PDE4D: variants seen among roughly 807,000 people sequenced by gnomAD.
PDE4D encodes phosphodiesterase 4D.
PDE4D carries 24 observed loss-of-function variants against 87.4 expected under a neutral mutation model. That is an observed-to-expected ratio of 0.27 (90% CI 0.20 to 0.39). The LOEUF is 0.39. PDE4D is among the 10% of genes least tolerant of loss of function. PDE4D has a pLI of 1.00. For missense variants in PDE4D, 714 were observed against 1,041.0 expected (o/e 0.69, Z 4.32); for synonymous variants, 384 against 383.2 (o/e 1.00, Z -0.02).
intron 6 of PDE4D, among the ~76,000 whole-genome samples, chr5:59,037,347 T>C (rs1408953049): frequency 6.6e-6 from 1 of 152,202 alleles, no homozygotes; most frequent in Non-Finnish European, 1.5e-5. Flanking sequence ...AACCACACAA[T>C]AGAATTAAGA....
At chr5:59,683,434 A>G (rs1225368973) in intron 1 of PDE4D, among the ~76,000 whole-genome samples, 1 of 152,232 alleles carries the variant, frequency 6.6e-6, no homozygotes, top group Non-Finnish European at 1.5e-5. Context: ...ATAGATATTT[A>G]AAGTTAGAAT....
chr5:59,734,693 T>TAA (rs35720201), intron 1 of PDE4D, among the ~76,000 whole-genome samples: 7 of 151,808 alleles, frequency 4.6e-5, no homozygotes, highest in Non-Finnish European at 7.4e-5. Flanking sequence ...GTCATGGACT[T>TAA]AAAAAAAATT....
intron 1 of PDE4D, among the ~76,000 whole-genome samples, chr5:60,195,257 C>A (rs369306592): frequency 6.6e-6 from 1 of 151,602 alleles, no homozygotes; most frequent in East Asian, 1.9e-4. Context: ...TCCTGAATGC[C>A]TCCCACAGTA....
At chr5:59,468,120 A>G (rs994143728) in intron 1 of PDE4D, among the ~76,000 whole-genome samples, 8 of 152,224 alleles carry the variant, frequency 5.3e-5, no homozygotes, top group Admixed American at 6.5e-5. Context: ...GCTCAGAACC[A>G]AAGGCTGTTC....
intron 1 of PDE4D, among the ~76,000 whole-genome samples, chr5:59,321,456 A>C (rs1217567780): frequency 6.6e-6 from 1 of 152,166 alleles, no homozygotes. Context: ...CTAAATATAA[A>C]TATACTTCTT....
intron 1 of PDE4D, among the ~76,000 whole-genome samples, chr5:59,245,372 A>T (rs1230786953): frequency 6.6e-6 from 1 of 152,134 alleles, no homozygotes; most frequent in African/African-American, 2.4e-5. Flanking sequence ...TAAATAAGCA[A>T]TATCATATAA....
intron 1 of PDE4D, among the ~76,000 whole-genome samples, chr5:59,371,629 G>A (rs544200999): frequency 1.3e-5 from 2 of 152,216 alleles, no homozygotes; most frequent in East Asian, 3.9e-4. Flanking sequence ...TCTCTGGATT[G>A]GAAGTGAACC....
rs540381716 is a variant in PDE4D, at chr5:59,209,319, G to A, written c.647+6458C>T. ...TCCTGCTTCAGCCTCCCAAGTAGCT[G>A]AGACTACAGGCGCCCACCACCATGC... On this transcript the variant is annotated intron_variant, in intron 2 of 14. Coordinates refer to ENST00000340635, the MANE Select transcript of PDE4D (RefSeq NM_001104631.2). 2.0e-5 allele frequency among the ~76,000 whole-genome samples: 3 copies of A among 152,088 alleles called. No homozygotes were observed. In the South Asian group the frequency reaches 6.2e-4, roughly 32 times the overall value.
At chr5:60,429,344 T>A (rs1235117858) in intron 1 of PDE4D, among the ~76,000 whole-genome samples, 1 of 152,194 alleles carries the variant, frequency 6.6e-6, no homozygotes, top group Admixed American at 6.5e-5. Flanking sequence ...GATTTTTGTA[T>A]CCAGAAACTT....
chr5:59,029,434 A>AAC (rs1407099874), intron 6 of PDE4D, among the ~76,000 whole-genome samples: 3 of 151,320 alleles, frequency 2.0e-5, no homozygotes, highest in Non-Finnish European at 4.4e-5. Context: ...AAAAAAAAAA[A>AAC]AAACTTAGGA....
intron 5 of PDE4D, among the ~76,000 whole-genome samples, chr5:59,066,150 G>GT (rs1338220328): frequency 6.6e-6 from 1 of 152,076 alleles, no homozygotes; most frequent in East Asian, 1.9e-4. Flanking sequence ...TAAACACTGG[G>GT]TAAGATTCCA....
At chr5:60,397,869 T>C (rs1762989411) in intron 1 of PDE4D, among the ~76,000 whole-genome samples, 1 of 152,220 alleles carries the variant, frequency 6.6e-6, no homozygotes, top group South Asian at 2.1e-4. Context: ...TAGTATAATT[T>C]AATCACATTA....
chr5:60,186,240 G>A (rs539756485), intron 1 of PDE4D, among the ~76,000 whole-genome samples: 1 of 152,254 alleles, frequency 6.6e-6, no homozygotes, highest in Non-Finnish European at 1.5e-5. Flanking sequence ...GTTCTTAGTG[G>A]TTGTAAGGAA....
chr5:59,547,307 A>G (rs1348208535), intron 1 of PDE4D, among the ~76,000 whole-genome samples: 1 of 152,170 alleles, frequency 6.6e-6, no homozygotes, highest in Non-Finnish European at 1.5e-5. Context: ...TTTATAGGAA[A>G]AAAAGGGGCA....
chr5:59,109,664 A>T (rs10055884), intron 5 of PDE4D, among the ~76,000 whole-genome samples: 6,025 of 152,094 alleles, frequency 0.04, 404 homozygotes, highest in African/African-American at 0.14. Flanking sequence ...CCTTTCCAAC[A>T]ATTTTTGGCT....
At chr5:60,444,295 T>A (rs1235926643) in intron 1 of PDE4D, among the ~76,000 whole-genome samples, 1 of 152,134 alleles carries the variant, frequency 6.6e-6, no homozygotes, top group Non-Finnish European at 1.5e-5. Context: ...CACAAGCCCC[T>A]GCCAGTGATT....
At chr5:59,161,298 A>G (rs982542861) in intron 5 of PDE4D, among the ~76,000 whole-genome samples, 1 of 152,212 alleles carries the variant, frequency 6.6e-6, no homozygotes, top group Non-Finnish European at 1.5e-5. Flanking sequence ...AAGAAATAAT[A>G]CATCAATCAA....
At chr5:59,150,084 C>T (rs1022296937) in intron 5 of PDE4D, among the ~76,000 whole-genome samples, 2 of 151,644 alleles carry the variant, frequency 1.3e-5, no homozygotes, top group Admixed American at 6.6e-5. Context: ...AGCCTTAGAG[C>T]GGGGAGGAAT....
chr5:60,084,855 C>G (rs1245144345), intron 2 of PDE4D, among the ~76,000 whole-genome samples: 1 of 152,120 alleles, frequency 6.6e-6, no homozygotes, highest in Non-Finnish European at 1.5e-5. Flanking sequence ...GCCCCATCAG[C>G]CAGATAAGTA....
Sources: gnomAD v4.1 joint callset for allele counts (sites outside exome capture counted in the v4.1 genomes callset) on GRCh38, gnomAD v4.1.1 for gene constraint, MANE v1.5 for transcripts, NCBI Gene and HGNC (gene_info 2026-07-23, HGNC 2026-07-21) for gene names.